TCF4: variants seen among roughly 807,000 people sequenced by gnomAD.
TCF4 encodes the protein SL3-3 enhancer factor 2.
In TCF4, 3 loss-of-function variants were observed where a neutral mutation model predicts 82.1. The observed-to-expected ratio is 0.04, with a 90% CI of 0.02 to 0.09. The LOEUF is 0.09. TCF4 is among the 10% of genes least tolerant of loss of function. TCF4 has a pLI of 1.00. For synonymous variants in TCF4, 276 were observed against 309.6 expected, an observed-to-expected ratio of 0.89 and a Z score of 1.14; for missense variants, 518 against 852.7, an observed-to-expected ratio of 0.61 and a Z score of 4.89.
chr18:55,357,690 T>C (rs1185271884), intron 6 of TCF4, among the ~76,000 whole-genome samples: 3 of 152,190 alleles, frequency 2.0e-5, no homozygotes, highest in Non-Finnish European at 4.4e-5. Flanking sequence ...CATTTCAAGG[T>C]TGTTGTAAAT....
chr18:55,630,510 G>T (rs139701844), intron 2 of TCF4, among the ~76,000 whole-genome samples: 1 of 152,328 alleles, frequency 6.6e-6, no homozygotes, highest in East Asian at 1.9e-4. Flanking sequence ...ACAAGTGTCA[G>T]AAGTCCACTG....
At chr18:55,403,539 A>T in intron 5 of TCF4, 21 bp from the exon 6 acceptor site, 11 of 1,613,812 alleles carry the variant, frequency 6.8e-6, no homozygotes, top group Non-Finnish European at 9.3e-6. Flanking sequence ...AAACGACAAA[A>T]AAGTGTAAAT....
upstream of TCF4, among the ~76,000 whole-genome samples, chr18:55,593,269 A>C (rs1224180776): frequency 1.3e-5 from 2 of 152,194 alleles, no homozygotes; most frequent in African/African-American, 2.4e-5. Flanking sequence ...ATGTAAAAAA[A>C]AAAAATTATA....
At chr18:55,281,188 TTGAG>T (rs1268612635) in intron 8 of TCF4, among the ~76,000 whole-genome samples, 2 of 152,158 alleles carry the variant, frequency 1.3e-5, no homozygotes, top group African/African-American at 2.4e-5. Context: ...AAAAACTTTT[TTGAG>T]TATTTTTAAG....
chr18:55,515,068 C>G (rs2096868044), intron 3 of TCF4, among the ~76,000 whole-genome samples: 2 of 152,024 alleles, frequency 1.3e-5, no homozygotes, highest in African/African-American at 2.4e-5. Context: ...GGAAATTTGC[C>G]TAATTTCAGA....
At chr18:55,314,683 A>G (rs2073607194) in intron 8 of TCF4, among the ~76,000 whole-genome samples, 1 of 151,714 alleles carries the variant, frequency 6.6e-6, no homozygotes, top group South Asian at 2.1e-4. Flanking sequence ...CAGTAGGAGC[A>G]TTTTAAAATG....
At chr18:55,254,454 ACT>A (rs1310355350) in intron 15 of TCF4, 41 bp downstream of exon 15, 1 of 1,584,072 alleles carries the variant, frequency 6.3e-7, no homozygotes, top group Non-Finnish European at 8.7e-7. Flanking sequence ...TGAAATTCTA[ACT>A]CTATATGATA....
At chr18:55,481,522 G>A (rs1249370335) in intron 3 of TCF4, among the ~76,000 whole-genome samples, 3 of 152,166 alleles carry the variant, frequency 2.0e-5, no homozygotes, top group East Asian at 1.9e-4. Context: ...CTCCCTGCAC[G>A]AAAAACCAGG....
At chr18:55,251,000 G>A (rs764954483) in intron 15 of TCF4, among the ~76,000 whole-genome samples, 11 of 152,166 alleles carry the variant, frequency 7.2e-5, no homozygotes, top group Non-Finnish European at 1.2e-4. Flanking sequence ...TGGGTATTAG[G>A]TGTACAGAGA....
chr18:55,365,641 T>G (rs1315492622), intron 6 of TCF4, among the ~76,000 whole-genome samples: 1 of 152,146 alleles, frequency 6.6e-6, no homozygotes, highest in Non-Finnish European at 1.5e-5. Flanking sequence ...GGCTCATGCC[T>G]ATGATCCCAG....
chr18:55,338,988 A>G (rs927647017), intron 8 of TCF4, among the ~76,000 whole-genome samples: 4 of 152,202 alleles, frequency 2.6e-5, no homozygotes, highest in Non-Finnish European at 5.9e-5. Flanking sequence ...TTATGCATTC[A>G]TTACACAGTG....
intron 6 of TCF4, among the ~76,000 whole-genome samples, chr18:55,361,141 T>A (rs1477053216): frequency 6.6e-6 from 1 of 152,112 alleles, no homozygotes; most frequent in African/African-American, 2.4e-5. Flanking sequence ...CCTCTCCCCA[T>A]CATCCAACCT....
intron 3 of TCF4, among the ~76,000 whole-genome samples, chr18:55,488,852 T>G (rs1448686866): frequency 6.6e-6 from 1 of 152,228 alleles, no homozygotes; most frequent in East Asian, 1.9e-4. Flanking sequence ...GAAAAGACTT[T>G]CTTTACAAAA....
At chr18:55,429,866 C>A (rs927476679) in intron 5 of TCF4, among the ~76,000 whole-genome samples, 1 of 150,742 alleles carries the variant, frequency 6.6e-6, no homozygotes, top group African/African-American at 2.4e-5. Flanking sequence ...GAAGATTCCA[C>A]TATTTAGGTC....
chr18:55,399,962 T>C (rs1014207585), intron 6 of TCF4, among the ~76,000 whole-genome samples: 12 of 150,560 alleles, frequency 8.0e-5, no homozygotes, highest in Non-Finnish European at 1.6e-4. Flanking sequence ...AGACCTGGGC[T>C]ATATCCCAGA....
At chr18:55,598,084 T>C (rs1227688187) in intron 2 of TCF4, among the ~76,000 whole-genome samples, 4 of 152,150 alleles carry the variant, frequency 2.6e-5, no homozygotes, top group Non-Finnish European at 5.9e-5. Context: ...ACAAACTATA[T>C]AGAGAGTTAT....
rs78876689 is a variant in TCF4, at chr18:55,466,327, C to T, written c.146-2190G>A. ...CCTGGGAAACACGGCAAGATTCTGT[C>T]GCTACAAAAATTTTTAAAATTAGCC... On this transcript the variant is annotated intron_variant, in intron 3 of 19. Coordinates refer to ENST00000354452, the MANE Select transcript of TCF4 (RefSeq NM_001083962.2). 5.5e-3 allele frequency among the ~76,000 whole-genome samples: 833 copies of T among 152,130 alleles called. 7 individuals carry two copies. Among genetic ancestry groups the T allele is most frequent in the African/African-American group, 0.019 (794 of 41,502 alleles).
At chr18:55,446,150 G>T (rs1031989079) in intron 5 of TCF4, among the ~76,000 whole-genome samples, 2 of 152,118 alleles carry the variant, frequency 1.3e-5, no homozygotes, top group South Asian at 2.1e-4. Context: ...TCCTTTAGGG[G>T]ACTCTAATGT....
At chr18:55,509,258 G>A (rs1436908456) in intron 3 of TCF4, among the ~76,000 whole-genome samples, 2 of 151,986 alleles carry the variant, frequency 1.3e-5, no homozygotes, top group African/African-American at 4.8e-5. Flanking sequence ...TATAATCTAA[G>A]TTATTCTCTT....
Sources: allele counts gnomAD v4.1 joint callset (sites outside exome capture counted in the v4.1 genomes callset), GRCh38; gene constraint gnomAD v4.1.1; transcripts MANE v1.5; gene names NCBI Gene and HGNC (gene_info 2026-07-23, HGNC 2026-07-21).